Variants in DKK2 observed in about 807,000 individuals in gnomAD.
DKK2 encodes the protein dickkopf-related protein 2.
DKK2 carries 11 observed loss-of-function variants against 28.1 expected under a neutral mutation model. That is an observed-to-expected ratio of 0.39 (90% confidence interval 0.25 to 0.65). The LOEUF (loss-of-function observed/expected upper bound fraction) is 0.65. DKK2 is among the 30% of genes least tolerant of loss of function. The probability of loss-of-function intolerance (pLI) is 0.47; values close to 1 mark genes in which losing one functional copy is unlikely to be tolerated. For synonymous variants in DKK2, 135 were observed against 126.5 expected (o/e 1.07, Z -0.45); for missense variants, 326 against 335.5 (o/e 0.97, Z 0.22).
intron 1 of DKK2, among the ~76,000 whole-genome samples, chr4:107,025,286 G>A (rs1723757776): frequency 1.3e-5 from 2 of 152,108 alleles, no homozygotes; most frequent in Non-Finnish European, 2.9e-5. Context: ...AGTCTAATGG[G>A]TCGGTGGTAT....
chr4:107,014,168 C>G (rs916459382), intron 1 of DKK2, among the ~76,000 whole-genome samples: 1 of 151,240 alleles, frequency 6.6e-6, no homozygotes, highest in African/African-American at 2.4e-5. Context: ...ATCCACATGT[C>G]AAAGAGATAC....
chr4:106,931,784 C>A (rs12649760), intron 1 of DKK2, among the ~76,000 whole-genome samples: 1 of 152,034 alleles, frequency 6.6e-6, no homozygotes, highest in Non-Finnish European at 1.5e-5. Context: ...AACATTCTGC[C>A]TACAGAATTT....
chr4:106,929,014 A>G (rs1400521014), intron 1 of DKK2, among the ~76,000 whole-genome samples: 4 of 152,166 alleles, frequency 2.6e-5, no homozygotes, highest in South Asian at 2.1e-4. Flanking sequence ...GGAATTATAT[A>G]CATTAATTAA....
intron 3 of DKK2, 55 bp from the exon 4 acceptor site, chr4:106,924,259 C>T: frequency 6.3e-7 from 1 of 1,578,660 alleles, no homozygotes; most frequent in Admixed American, 1.9e-5. Context: ...AAAAAAAATT[C>T]TATTTTGCAA....
At chr4:107,019,713 G>T (rs1723664135) in intron 1 of DKK2, among the ~76,000 whole-genome samples, 1 of 151,958 alleles carries the variant, frequency 6.6e-6, no homozygotes, top group African/African-American at 2.4e-5. Flanking sequence ...GTTCATCATT[G>T]TGTTAAAAGC....
rs550927566 is a variant in DKK2 at position 106,964,458 on chromosome 4, G to A, written c.223-38509C>T. On this transcript the variant is annotated intron_variant, in intron 1 of 3. Coordinates refer to ENST00000285311, the MANE Select transcript of DKK2 (RefSeq NM_014421.3). ...TAATGTTTGATAGCACAATAAAGTG[G>A]GTATAGTTAACAATAATTTATTGTA... is the stretch of plus-strand genomic sequence containing the variant. Among the ~76,000 whole-genome samples, 6 of 151,984 alleles carry A rather than the reference G, an allele frequency of 3.9e-5. No homozygotes were observed. The East Asian group carries it at 1.2e-3, about 29-fold the overall frequency.
intron 1 of DKK2, among the ~76,000 whole-genome samples, chr4:106,932,742 C>A (rs1411957140): frequency 1.3e-5 from 2 of 152,028 alleles, no homozygotes; most frequent in Non-Finnish European, 2.9e-5. Flanking sequence ...ATTGTCCTAA[C>A]CAAAAGAGAG....
intron 1 of DKK2, among the ~76,000 whole-genome samples, chr4:106,949,524 G>C (rs1339105102): frequency 6.6e-6 from 1 of 152,072 alleles, no homozygotes. Context: ...ATGATGTCTG[G>C]CTTTAAGCAA....
intron 1 of DKK2, among the ~76,000 whole-genome samples, chr4:107,017,645 AAAAACTTC>A (rs1336700215): frequency 1.3e-5 from 2 of 151,996 alleles, no homozygotes; most frequent in Non-Finnish European, 2.9e-5. Context: ...TCTTGAAAAA[AAAAACTTC>A]AAAACATCTG....
intron 1 of DKK2, among the ~76,000 whole-genome samples, chr4:106,992,478 G>A (rs1283930415): frequency 6.6e-6 from 1 of 152,174 alleles, no homozygotes; most frequent in African/African-American, 2.4e-5. Flanking sequence ...TGAAGGTCTG[G>A]AGCAGCCATC....
intron 1 of DKK2, among the ~76,000 whole-genome samples, chr4:106,999,036 T>C (rs1433225078): frequency 6.6e-6 from 1 of 152,070 alleles, no homozygotes; most frequent in Non-Finnish European, 1.5e-5. Context: ...TTTAGAAAAA[T>C]AAAAGGGGGA....
chr4:107,025,206 A>G (rs1723755776), intron 1 of DKK2, among the ~76,000 whole-genome samples: 1 of 152,180 alleles, frequency 6.6e-6, no homozygotes, highest in South Asian at 2.1e-4. Flanking sequence ...TGATTCTGAG[A>G]CAGTGTCTTC....
At chr4:106,962,912 AAAAAT>A (rs1190177428) in intron 1 of DKK2, among the ~76,000 whole-genome samples, 3 of 152,010 alleles carry the variant, frequency 2.0e-5, no homozygotes, top group Admixed American at 1.3e-4. Context: ...TCAATAGAAA[AAAAAT>A]AAAATAAAAT....
chr4:106,948,725 A>G (rs1035501002), intron 1 of DKK2, among the ~76,000 whole-genome samples: 5 of 152,230 alleles, frequency 3.3e-5, no homozygotes, highest in African/African-American at 1.2e-4. Flanking sequence ...GGTCTGGCAC[A>G]GTGCCTGGCA....
intron 1 of DKK2, among the ~76,000 whole-genome samples, chr4:106,949,595 G>A (rs1486137442): frequency 1.3e-5 from 2 of 152,100 alleles, no homozygotes; most frequent in Non-Finnish European, 2.9e-5. Flanking sequence ...TTCAAGTCCT[G>A]ACTCTACCAT....
intron 1 of DKK2, among the ~76,000 whole-genome samples, chr4:106,951,002 T>A (rs1044319034): frequency 2.6e-5 from 4 of 151,742 alleles, no homozygotes; most frequent in Non-Finnish European, 5.9e-5. Context: ...GAAATGTATA[T>A]GGATTTTTTT....
intron 1 of DKK2, among the ~76,000 whole-genome samples, chr4:106,985,258 A>C (rs1723099646): frequency 6.6e-6 from 1 of 151,910 alleles, no homozygotes; most frequent in Non-Finnish European, 1.5e-5. Context: ...CCATTTCCAT[A>C]ACATTCTTAA....
At chr4:106,959,013 A>C (rs565120779) in intron 1 of DKK2, among the ~76,000 whole-genome samples, 76 of 151,578 alleles carry the variant, frequency 5.0e-4, no homozygotes, top group African/African-American at 1.6e-3. Context: ...ATGATAAGAA[A>C]GGTTAATATA....
chr4:106,965,977 T>G (rs1458334087), intron 1 of DKK2, among the ~76,000 whole-genome samples: 2 of 151,882 alleles, frequency 1.3e-5, no homozygotes, highest in African/African-American at 4.8e-5. Flanking sequence ...TGCCACATTT[T>G]CTTAATCCAG....
Sources: allele counts gnomAD v4.1 joint callset (sites outside exome capture counted in the v4.1 genomes callset), GRCh38; gene constraint gnomAD v4.1.1; transcripts MANE v1.5; gene names NCBI Gene and HGNC (gene_info 2026-07-23, HGNC 2026-07-21).